Variants in ARHGEF33 observed in about 807,000 individuals in gnomAD.
The protein encoded by ARHGEF33 is DH and coiled-coil domain-containing protein ENSP00000381780.
A neutral mutation model predicts 101.9 loss-of-function variants in ARHGEF33; 72 were observed. That is an observed-to-expected ratio of 0.71 (90% CI 0.58 to 0.86). The LOEUF is 0.86. Ranked by LOEUF, ARHGEF33 falls within the 40% of genes least tolerant of loss-of-function variation. The pLI, the probability that ARHGEF33 is intolerant of heterozygous loss-of-function variation, is 0.00. For missense variants in ARHGEF33, 1,169 were observed against 1,111.3 expected (o/e 1.05, Z -0.74); for synonymous variants, 499 against 442.5 (o/e 1.13, Z -1.60).
At chr2:38,919,108 T>A (rs1666700618) in intron 2 of ARHGEF33, among the ~76,000 whole-genome samples, 1 of 152,210 alleles carries the variant, frequency 6.6e-6, no homozygotes, top group Non-Finnish European at 1.5e-5. Flanking sequence ...CCAATAGATC[T>A]TAATTAATGG....
chr2:38,972,690 T>G (rs765803605), intron 17 of ARHGEF33, among the ~76,000 whole-genome samples: 13 of 152,174 alleles, frequency 8.5e-5, no homozygotes, highest in Non-Finnish European at 1.6e-4. Context: ...CATGATTAAC[T>G]TATCTAATAA....
intron 7 of ARHGEF33, among the ~76,000 whole-genome samples, chr2:38,932,291 A>AT (rs1294340527): frequency 6.6e-6 from 1 of 151,912 alleles, no homozygotes; most frequent in Non-Finnish European, 1.5e-5. Context: ...TGCACGGCTA[A>AT]TTTTTTGTAT....
intron 10 of ARHGEF33, 64 bp from the exon 11 acceptor site, chr2:38,950,925 T>G (rs1667584293): frequency 1.3e-6 from 2 of 1,482,082 alleles, no homozygotes; most frequent in Non-Finnish European, 1.8e-6. Context: ...GCTGCATGTA[T>G]TTTTGTAGGG....
At chr2:38,962,810 C>CCT (rs1667974177) in intron 16 of ARHGEF33, among the ~76,000 whole-genome samples, 2 of 111,834 alleles carry the variant, frequency 1.8e-5, no homozygotes, top group South Asian at 3.0e-4. Context: ...GTCAGGAGAT[C>CCT]AAGACCATCC....
intron 2 of ARHGEF33, among the ~76,000 whole-genome samples, chr2:38,914,015 C>G (rs575755643): frequency 1.3e-5 from 2 of 152,156 alleles, no homozygotes; most frequent in South Asian, 4.1e-4. Flanking sequence ...TATAGAGATG[C>G]TCAATAGCAC....
rs1377769334 is a variant in ARHGEF33 at position 38,960,408 on chromosome 2, G to A, written c.2103G>A (p.Lys701=). 6.6e-6 allele frequency: 10 copies of A among 1,513,720 alleles called. No homozygotes were observed. In the African/African-American group the frequency reaches 8.4e-5, roughly 13 times the overall value. The allele number at this position is 1,513,720 out of a possible 1,614,324, so 93.8% of individuals were successfully genotyped here. A position where few individuals can be genotyped will look rare whatever the true frequency, so the allele number is the denominator to read the frequency against. The part of the protein sequence containing the change: ...KLEAAAQAHG[K]AKPLSRSLKE... ...AGGCGGCGGCGCAGGCGCACGGCAAGGCCAAGCCGCTGAGCCGCTCTCTCA... is the reference window on the plus strand; with the variant it reads ...AGGCGGCGGCGCAGGCGCACGGCAAAGCCAAGCCGCTGAGCCGCTCTCTCA... Residue 701 remains lysine (K), a synonymous_variant, in exon 16 of 18, where the codon AAG becomes AAA. Transcript: ENST00000409978.
chr2:38,953,173 G>C lies in ARHGEF33; in HGVS notation c.1065G>C (p.Leu355Phe). Residue 355 changes from leucine (L) to phenylalanine (F), a missense_variant, in exon 12 of 18, where the codon TTG (leucine) becomes TTC (phenylalanine). Physicochemically the swap from Leu to Phe is conservative, Grantham distance 22. Coordinates refer to ENST00000409978, the MANE Select transcript of ARHGEF33 (RefSeq NM_001145451.5). ...TGTTTGTTTTAAAGAATAATTTCTT[G>C]GATTATTATGTTGCCTACCTAAGGG... Reference protein sequence around the residue: ...LKLTNDENNFLDYYVAYLRDL... With the variant: ...LKLTNDENNFFDYYVAYLRDL... The C allele has an allele frequency of 6.7e-7, 1 of 1,501,194 alleles. No individual in the cohort carries two copies. Among genetic ancestry groups the C allele is most frequent in the Non-Finnish European group, 9.1e-7 (1 of 1,100,752 alleles). The allele number at this position is 1,501,194 out of a possible 1,614,324, so 93.0% of individuals were successfully genotyped here. A position where few individuals can be genotyped will look rare whatever the true frequency, so the allele number is the denominator to read the frequency against.
At chr2:38,966,777 G>C (rs1668061147) in intron 17 of ARHGEF33, among the ~76,000 whole-genome samples, 1 of 152,168 alleles carries the variant, frequency 6.6e-6, no homozygotes, top group Non-Finnish European at 1.5e-5. Flanking sequence ...TCACCCACAG[G>C]CATTTTGGTC....
At chr2:38,945,633 G>A (rs1258468073) in intron 10 of ARHGEF33, among the ~76,000 whole-genome samples, 2 of 152,226 alleles carry the variant, frequency 1.3e-5, no homozygotes, top group African/African-American at 4.8e-5. Context: ...CTCAGTTTAT[G>A]GTAATGAAAT....
Position 38,957,044 on chromosome 2 carries a change from A to G in ARHGEF33, c.1367A>G (p.Lys456Arg), listed in dbSNP as rs759275410. The G allele has an allele frequency of 1.9e-6, 3 of 1,551,806 alleles. No individual in the cohort carries two copies. Among genetic ancestry groups the G allele is most frequent in the Non-Finnish European group, 2.6e-6 (3 of 1,147,022 alleles). ...DLLIQKRKKLKKSSMAKLYKG... is the reference protein window; with the variant it reads ...DLLIQKRKKLRKSSMAKLYKG... ...CTTATTCAGAAACGGAAAAAGCTCAAGAAGTAAGGTTCTGATGGTGTGGTC... is the reference window on the plus strand; with the variant it reads ...CTTATTCAGAAACGGAAAAAGCTCAGGAAGTAAGGTTCTGATGGTGTGGTC... Residue 456 changes from lysine to arginine, a missense_variant, in exon 14 of 18, where the codon AAG becomes AGG. Lys to Arg is a conservative substitution (Grantham distance 26). Coordinates refer to ENST00000409978, the MANE Select transcript of ARHGEF33 (RefSeq NM_001145451.5).
At chr2:38,929,917 T>C in intron 6 of ARHGEF33, 87 bp downstream of exon 6, 2 of 1,226,994 alleles carry the variant, frequency 1.6e-6, no homozygotes, top group South Asian at 3.1e-5. Flanking sequence ...CCACTATCAG[T>C]GTATAGCTAG....
intron 2 of ARHGEF33, among the ~76,000 whole-genome samples, chr2:38,915,728 C>T (rs1280636634): frequency 6.6e-6 from 1 of 152,062 alleles, no homozygotes; most frequent in Non-Finnish European, 1.5e-5. Flanking sequence ...AACTTACTAT[C>T]CATCACACGT....
At chr2:38,964,497 CA>C (rs910819319) in intron 16 of ARHGEF33, among the ~76,000 whole-genome samples, 25 of 151,602 alleles carry the variant, frequency 1.6e-4, no homozygotes, top group Admixed American at 7.3e-4. Flanking sequence ...CCAGCATTAG[CA>C]TCATTGTCTC....
intron 9 of ARHGEF33, among the ~76,000 whole-genome samples, chr2:38,942,019 T>G (rs939387522): frequency 2.3e-5 from 3 of 127,954 alleles, no homozygotes; most frequent in Non-Finnish European, 5.1e-5. Flanking sequence ...TTTTTTTTTT[T>G]GCCTGTTATT....
chr2:38,919,568 T>A, intron 3 of ARHGEF33, 96 bp downstream of exon 3: 1 of 1,261,350 alleles, frequency 7.9e-7, no homozygotes, highest in Non-Finnish European at 1.1e-6. Context: ...GACAGTATGT[T>A]AACTATTTTC....
chr2:38,910,062 C>G (rs1035865070), intron 2 of ARHGEF33, among the ~76,000 whole-genome samples: 31 of 152,166 alleles, frequency 2.0e-4, no homozygotes, highest in African/African-American at 7.5e-4. Context: ...TGTATTCTAT[C>G]TATAGCATAG....
chr2:38,905,162 G>GACCAAGGAC (rs1051567684), intron 2 of ARHGEF33, among the ~76,000 whole-genome samples: 1 of 151,468 alleles, frequency 6.6e-6, no homozygotes, highest in African/African-American at 2.4e-5. Context: ...ATATAAGGGT[G>GACCAAGGAC]ACCAAGGACA....
chr2:38,911,231 A>G (rs181300623), intron 2 of ARHGEF33, among the ~76,000 whole-genome samples: 6 of 152,308 alleles, frequency 3.9e-5, no homozygotes, highest in Non-Finnish European at 8.8e-5. Context: ...CTTCTTGAAA[A>G]TGTCTACAGG....
At chr2:38,896,965 G>A (rs1666135696) in intron 2 of ARHGEF33, among the ~76,000 whole-genome samples, 1 of 151,950 alleles carries the variant, frequency 6.6e-6, no homozygotes, top group Admixed American at 6.6e-5. Context: ...ACCCAGGCTG[G>A]AGTGCAGTGG....
Sources: gnomAD v4.1 joint callset for allele counts (sites outside exome capture counted in the v4.1 genomes callset) on GRCh38, gnomAD v4.1.1 for gene constraint, MANE v1.5 for transcripts, NCBI Gene and HGNC (gene_info 2026-07-23, HGNC 2026-07-21) for gene names.